The following RANBP2 variants were observed in gnomAD, a reference collection of about 807,000 sequenced individuals.
RANBP2 encodes E3 SUMO-protein ligase RanBP2.
A neutral mutation model predicts 303.6 loss-of-function variants in RANBP2; 57 were observed. The observed-to-expected ratio is 0.19, with a 90% CI of 0.15 to 0.23. The LOEUF (loss-of-function observed/expected upper bound fraction) is 0.23, where lower values mean the gene tolerates loss of function less well. Among genes scored for constraint, RANBP2 ranks in the 10% least tolerant of loss-of-function variants. The probability of loss-of-function intolerance (pLI) is 1.00; values close to 1 mark genes in which losing one functional copy is unlikely to be tolerated. For synonymous variants in RANBP2, 1,167 were observed against 1,301.5 expected, an observed-to-expected ratio of 0.90 and a Z score of 2.23; for missense variants, 3,138 against 3,780.8, an observed-to-expected ratio of 0.83 and a Z score of 4.46.
At position 108,763,445 on chromosome 2, in the gene RANBP2, C is replaced by A; in HGVS notation, c.2906C>A (p.Thr969Lys). 1 of 1,614,068 alleles carries A rather than the reference C, an allele frequency of 6.2e-7. No individual in the cohort carries two copies. Among genetic ancestry groups the A allele is most frequent in the Non-Finnish European group, 8.5e-7 (1 of 1,179,974 alleles). The change falls in exon 20 of 29, where the codon ACA becomes AAA. Residue 969 changes from threonine to lysine, a missense_variant. By Grantham distance (78) the Thr-to-Lys change is moderately conservative (BLOSUM62 -1). Coordinates refer to ENST00000283195, the MANE Select transcript of RANBP2 (RefSeq NM_006267.5). ...DDYFNYNVQQ[T>K]STNPPLPEPG... Reference sequence around the variant, plus strand: ...TACTTTAATTACAATGTTCAACAGACAAGCACAAATCCACCTTTGCCAGAA... The same window carrying A: ...TACTTTAATTACAATGTTCAACAGAAAAGCACAAATCCACCTTTGCCAGAA...
the RANBP2 span, among the ~76,000 whole-genome samples, chr2:109,637,677 A>G: frequency 6.6e-6 from 1 of 152,186 alleles, no homozygotes; most frequent in Non-Finnish European, 1.5e-5. Context: ...TTCATACAAC[A>G]CATGTTTTTG....
At chr2:109,415,473 C>T in the RANBP2 span, among the ~76,000 whole-genome samples, 20 of 152,138 alleles carry the variant, frequency 1.3e-4, no homozygotes, top group African/African-American at 4.6e-4. Flanking sequence ...GTGCTACAGT[C>T]GCGGCTGCTA....
At chr2:109,386,258 C>T in the RANBP2 span, among the ~76,000 whole-genome samples, 381 of 152,296 alleles carry the variant, frequency 2.5e-3, 1 homozygote, top group Middle Eastern at 0.01. Flanking sequence ...TGGCCTAGCC[C>T]CTGTGGATCT....
the RANBP2 span, among the ~76,000 whole-genome samples, chr2:108,817,173 G>C: frequency 3.9e-5 from 6 of 152,178 alleles, no homozygotes; most frequent in Admixed American, 3.3e-4. Context: ...GGTGGTCCTG[G>C]TAATCACACA....
the RANBP2 span, among the ~76,000 whole-genome samples, chr2:109,508,544 G>C: frequency 6.6e-6 from 1 of 151,980 alleles, no homozygotes; most frequent in African/African-American, 2.4e-5. Flanking sequence ...AGAAGTCCCA[G>C]AGGAAACGTC....
chr2:109,212,287 A>C, the RANBP2 span, among the ~76,000 whole-genome samples: 1 of 152,156 alleles, frequency 6.6e-6, no homozygotes, highest in African/African-American at 2.4e-5. Context: ...GGCTGAAGGA[A>C]GTCAGTTGGC....
the RANBP2 span, among the ~76,000 whole-genome samples, chr2:108,974,347 AAAAAAAAG>A: frequency 2.7e-5 from 4 of 150,454 alleles, no homozygotes; most frequent in Non-Finnish European, 5.9e-5. Flanking sequence ...AAAAAAAAAA[AAAAAAAAG>A]AAATGCCACA....
At chr2:109,735,693 A>C in the RANBP2 span, among the ~76,000 whole-genome samples, 4 of 152,306 alleles carry the variant, frequency 2.6e-5, no homozygotes, top group East Asian at 7.7e-4. Context: ...ATCAAACTAA[A>C]AATTACTTAC....
the RANBP2 span, chr2:108,885,495 AT>A: frequency 1.8e-4 from 27 of 152,256 alleles, no homozygotes; most frequent in South Asian, 1.9e-3. Context: ...ATCTGTAAAA[AT>A]TAATTCCTTT....
chr2:109,585,150 C>G, the RANBP2 span: 1 of 1,586,664 alleles, frequency 6.3e-7, no homozygotes, highest in Non-Finnish European at 8.6e-7. Context: ...TATTTGGTCA[C>G]CAAATCCCAC....
At chr2:108,749,810 T>C (rs963597986) in intron 9 of RANBP2, among the ~76,000 whole-genome samples, 33 of 152,064 alleles carry the variant, frequency 2.2e-4, no homozygotes, top group African/African-American at 8.0e-4. Context: ...CCCAGGCTAG[T>C]CTTGAACTCC....
the RANBP2 span, among the ~76,000 whole-genome samples, chr2:109,691,836 G>A: frequency 2.0e-5 from 3 of 151,774 alleles, no homozygotes; most frequent in Non-Finnish European, 2.9e-5. Context: ...AGGCTAGAGC[G>A]CAGTGGCACG....
the RANBP2 span, among the ~76,000 whole-genome samples, chr2:109,475,955 T>C: frequency 6.6e-6 from 1 of 152,168 alleles, no homozygotes; most frequent in Non-Finnish European, 1.5e-5. Context: ...AAACTTCCTG[T>C]GGTGAAATTT....
chr2:109,458,572 C>CCGAGAGAGAGAGAGAGAGAGAGAGAG, the RANBP2 span, among the ~76,000 whole-genome samples: 1 of 122,978 alleles, frequency 8.1e-6, no homozygotes, highest in Non-Finnish European at 1.8e-5. Context: ...CAGCAGGAGA[C>CCGAGAGAGAGAGAGAGAGAGAGAGAG]AGAGAGAGAG....
At chr2:109,678,245 C>G in the RANBP2 span, among the ~76,000 whole-genome samples, 2 of 152,202 alleles carry the variant, frequency 1.3e-5, no homozygotes, top group Non-Finnish European at 2.9e-5. Flanking sequence ...ATCACAAGAG[C>G]AAAAAATACG....
chr2:109,472,854 C>G, the RANBP2 span, among the ~76,000 whole-genome samples: 1 of 152,206 alleles, frequency 6.6e-6, no homozygotes. Flanking sequence ...AGGGTCGTGA[C>G]ACACTCAGAC....
chr2:109,062,976 G>A, the RANBP2 span, among the ~76,000 whole-genome samples: 3 of 152,164 alleles, frequency 2.0e-5, no homozygotes, highest in African/African-American at 7.2e-5. Context: ...CCCTGTGCCA[G>A]AAGAGCCAGG....
the RANBP2 span, among the ~76,000 whole-genome samples, chr2:109,373,417 A>G: frequency 6.6e-6 from 1 of 152,254 alleles, no homozygotes; most frequent in African/African-American, 2.4e-5. Context: ...GTGTCCATCA[A>G]CAGTGGGATG....
At chr2:109,426,976 ATAT>A in the RANBP2 span, among the ~76,000 whole-genome samples, 1,231 of 108,122 alleles carry the variant, frequency 0.011, 20 homozygotes, top group African/African-American at 0.047. Flanking sequence ...ATATATATAT[ATAT>A]TTTTTTTTGA....
Sources: allele counts gnomAD v4.1 joint callset (sites outside exome capture counted in the v4.1 genomes callset), GRCh38; gene constraint gnomAD v4.1.1; transcripts MANE v1.5; gene names NCBI Gene and HGNC (gene_info 2026-07-23, HGNC 2026-07-21).